GNG7: variants seen among roughly 807,000 people sequenced by gnomAD.
GNG7 encodes the protein guanine nucleotide-binding protein G(I)/G(S)/G(O) subunit gamma-7.
Under a neutral mutation model 4.0 loss-of-function variants are expected in GNG7, and 1 was observed. That is an observed-to-expected ratio of 0.25 (90% CI 0.09 to 1.18). The LOEUF (loss-of-function observed/expected upper bound fraction) is 1.18. Among genes scored for constraint, GNG7 ranks in the 50% most tolerant of loss-of-function variants. The probability of loss-of-function intolerance (pLI) is 0.50; values close to 1 mark genes in which losing one functional copy is unlikely to be tolerated. For missense variants in GNG7, 86 were observed against 91.9 expected (o/e 0.94, Z 0.26); for synonymous variants, 34 against 36.9 (o/e 0.92, Z 0.29).
At chr19:2,594,817 T>C (rs1392956671) in intron 2 of GNG7, among the ~76,000 whole-genome samples, 2 of 152,126 alleles carry the variant, frequency 1.3e-5, no homozygotes, top group African/African-American at 2.4e-5. Flanking sequence ...TCCATGATTA[T>C]CTCAAAAATG....
At position 2,612,181 on chromosome 19, in the gene GNG7, CT is replaced by C. The variant is rs1981589508; in HGVS notation, c.-78+34042del. ...AGCCAGCGCGCCCGGCCAAATCTTT[CT>C]TTCTTTTTAATAATTGGATTGACTT... On this transcript the variant is annotated intron_variant, in intron 2 of 4. Coordinates refer to ENST00000382159, the MANE Select transcript of GNG7 (RefSeq NM_052847.3). Among the ~76,000 whole-genome samples the C allele has an allele frequency of 2.6e-5, 4 of 152,170 alleles. No individual in the cohort carries two copies. In the South Asian group the frequency reaches 8.3e-4, roughly 32 times the overall value.
intron 1 of GNG7, among the ~76,000 whole-genome samples, chr19:2,671,351 C>T (rs1054958370): frequency 2.6e-5 from 4 of 152,218 alleles, no homozygotes; most frequent in African/African-American, 2.4e-5. Flanking sequence ...CCCTGGACAC[C>T]GGTGGCTCTG....
intron 2 of GNG7, among the ~76,000 whole-genome samples, chr19:2,616,736 C>T (rs558477124): frequency 1.3e-5 from 2 of 151,968 alleles, no homozygotes; most frequent in South Asian, 2.1e-4. Context: ...GCCGAGATCA[C>T]GCCATCGCAC....
intron 3 of GNG7, among the ~76,000 whole-genome samples, chr19:2,527,841 C>A (rs1051881580): frequency 6.6e-6 from 1 of 151,350 alleles, no homozygotes; most frequent in African/African-American, 2.4e-5. Flanking sequence ...GGACAGGTGT[C>A]CCCTGGGGGA....
At chr19:2,552,833 A>C (rs1599386402) in intron 3 of GNG7, among the ~76,000 whole-genome samples, 1 of 130,036 alleles carries the variant, frequency 7.7e-6, no homozygotes, top group African/African-American at 2.9e-5. Flanking sequence ...ATCGTCCCCA[A>C]ACCATCCTCC....
At chr19:2,597,029 T>C (rs1397742835) in intron 2 of GNG7, among the ~76,000 whole-genome samples, 3 of 151,878 alleles carry the variant, frequency 2.0e-5, no homozygotes, top group Non-Finnish European at 4.4e-5. Context: ...GAGGCTGAGG[T>C]GGGAAGATCA....
intron 2 of GNG7, among the ~76,000 whole-genome samples, chr19:2,565,385 G>A (rs111479182): frequency 0.027 from 4,122 of 152,056 alleles, 126 homozygotes; most frequent in Middle Eastern, 0.068. Context: ...GGTGGCACAC[G>A]CCTGTAATTC....
chr19:2,627,854 G>C (rs1346294924), intron 2 of GNG7, among the ~76,000 whole-genome samples: 3 of 152,184 alleles, frequency 2.0e-5, no homozygotes, highest in Admixed American at 6.5e-5. Flanking sequence ...CTGTGTGCAG[G>C]AGGTCAGGTG....
At chr19:2,619,649 A>G (rs1249147244) in intron 2 of GNG7, among the ~76,000 whole-genome samples, 2 of 152,158 alleles carry the variant, frequency 1.3e-5, no homozygotes, top group African/African-American at 2.4e-5. Context: ...ATCACACTCT[A>G]TGAAAGGAGC....
intron 1 of GNG7, chr19:2,701,020 G>A (rs1044874679): frequency 5.9e-5 from 9 of 151,860 alleles, no homozygotes; most frequent in African/African-American, 1.5e-4. Flanking sequence ...TGCCACCCAC[G>A]TCGCTCAATA....
At chr19:2,542,333 C>G (rs763449972) in intron 3 of GNG7, among the ~76,000 whole-genome samples, 17 of 151,962 alleles carry the variant, frequency 1.1e-4, no homozygotes, top group Non-Finnish European at 1.9e-4. Context: ...CCAGGCTGGT[C>G]TTGAACTCCT....
chr19:2,612,604 A>G (rs1297520821), intron 2 of GNG7, among the ~76,000 whole-genome samples: 1 of 152,074 alleles, frequency 6.6e-6, no homozygotes, highest in East Asian at 1.9e-4. Context: ...AGATGAATAA[A>G]ATACTTGTGA....
intron 1 of GNG7, among the ~76,000 whole-genome samples, chr19:2,650,480 C>T (rs1031721066): frequency 6.6e-6 from 1 of 152,118 alleles, no homozygotes; most frequent in African/African-American, 2.4e-5. Context: ...AACAATGATT[C>T]CCAGCCCTAG....
At chr19:2,523,234 G>A (rs1446873302) in intron 3 of GNG7, among the ~76,000 whole-genome samples, 2 of 151,890 alleles carry the variant, frequency 1.3e-5, no homozygotes, top group African/African-American at 4.8e-5. Context: ...GGCAGGGGCT[G>A]GGAGGGAGAT....
intron 2 of GNG7, among the ~76,000 whole-genome samples, chr19:2,570,312 G>A (rs1351069569): frequency 6.6e-6 from 1 of 152,166 alleles, no homozygotes; most frequent in African/African-American, 2.4e-5. Flanking sequence ...CTGTAGAACT[G>A]TGAACCAGAT....
chr19:2,639,674 G>T (rs1982431992), intron 2 of GNG7, among the ~76,000 whole-genome samples: 1 of 98,208 alleles, frequency 1.0e-5, no homozygotes, highest in East Asian at 3.0e-4. Flanking sequence ...ATTCAGGAAG[G>T]AAGGAGAGAG....
At chr19:2,558,645 G>C (rs1282931214) in intron 2 of GNG7, among the ~76,000 whole-genome samples, 1 of 151,952 alleles carries the variant, frequency 6.6e-6, no homozygotes. Flanking sequence ...TGGGATTGTG[G>C]ATGATTTTCC....
At chr19:2,552,858 C>G (rs980446320) in intron 3 of GNG7, among the ~76,000 whole-genome samples, 1 of 78,630 alleles carries the variant, frequency 1.3e-5, no homozygotes, top group Non-Finnish European at 3.0e-5. Flanking sequence ...TCCACCCCCC[C>G]CACCTCCCCA....
chr19:2,568,628 C>T (rs1599396336), intron 2 of GNG7, among the ~76,000 whole-genome samples: 1 of 135,832 alleles, frequency 7.4e-6, no homozygotes, highest in East Asian at 2.3e-4. Flanking sequence ...CACATACACA[C>T]ATATATACAC....
Sources: allele counts gnomAD v4.1 joint callset (sites outside exome capture counted in the v4.1 genomes callset), GRCh38; gene constraint gnomAD v4.1.1; transcripts MANE v1.5; gene names NCBI Gene and HGNC (gene_info 2026-07-23, HGNC 2026-07-21).